Variants in NEGR1 observed in about 807,000 individuals in gnomAD.
NEGR1 encodes IgLON family member 4.
In NEGR1, 10 loss-of-function variants were observed where a neutral mutation model predicts 40.9. That is an observed-to-expected ratio of 0.24 (90% CI 0.15 to 0.42). NEGR1 has a LOEUF of 0.42. Ranked by LOEUF, NEGR1 falls within the 10% of genes least tolerant of loss-of-function variation. The pLI, the probability that NEGR1 is intolerant of heterozygous loss-of-function variation, is 1.00. For synonymous variants in NEGR1, 185 were observed against 166.8 expected, an observed-to-expected ratio of 1.11 and a Z score of -0.84; for missense variants, 352 against 438.9, an observed-to-expected ratio of 0.80 and a Z score of 1.77.
intron 2 of NEGR1, among the ~76,000 whole-genome samples, chr1:71,816,204 TTTA>T (rs1179926411): frequency 6.6e-6 from 1 of 152,074 alleles, no homozygotes; most frequent in Non-Finnish European, 1.5e-5. Context: ...CCTAATTTGC[TTTA>T]TTATTATGTT....
chr1:72,205,619 TA>T (rs533873858), intron 1 of NEGR1, among the ~76,000 whole-genome samples: 8 of 146,520 alleles, frequency 5.5e-5, no homozygotes, highest in Admixed American at 6.8e-5. Context: ...TTTTGTTAAC[TA>T]AAAAAAAATA....
intron 1 of NEGR1, among the ~76,000 whole-genome samples, chr1:72,219,016 A>G (rs1460032047): frequency 6.6e-6 from 1 of 152,010 alleles, no homozygotes; most frequent in Non-Finnish European, 1.5e-5. Flanking sequence ...TCTCCACACA[A>G]TGACATGTCC....
At chr1:72,054,260 T>C (rs1479398169) in intron 1 of NEGR1, among the ~76,000 whole-genome samples, 1 of 151,378 alleles carries the variant, frequency 6.6e-6, no homozygotes, top group East Asian at 1.9e-4. Context: ...AAGTTCTCTG[T>C]TGCTGAGCAA....
intron 2 of NEGR1, among the ~76,000 whole-genome samples, chr1:71,808,764 C>T (rs1442518245): frequency 6.6e-6 from 1 of 152,000 alleles, no homozygotes; most frequent in Non-Finnish European, 1.5e-5. Context: ...GAAAATGAGA[C>T]ATTTTTTTTC....
In NEGR1 at chr1:71,719,565, G is replaced by T. The variant is rs1203447967; in HGVS notation, c.536-21426C>A. ...TAGCAGTGATAGAGAGACCTTCCAT[G>T]GTCACTGAGTTTCCAGACGTTTGAA... On this transcript the variant is annotated intron_variant, in intron 3 of 6. Transcript: ENST00000357731. 4.0e-5 allele frequency among the ~76,000 whole-genome samples: 6 copies of T among 151,740 alleles called. No homozygotes were observed. The East Asian group carries it at 9.7e-4, about 25-fold the overall frequency.
chr1:71,539,992 C>A (rs1480139080), intron 6 of NEGR1, among the ~76,000 whole-genome samples: 1 of 151,640 alleles, frequency 6.6e-6, no homozygotes, highest in Admixed American at 6.6e-5. Flanking sequence ...TACAACCAAC[C>A]AAAATGTTTA....
chr1:71,912,408 G>A (rs1372722157), intron 2 of NEGR1, among the ~76,000 whole-genome samples: 1 of 152,094 alleles, frequency 6.6e-6, no homozygotes, highest in African/African-American at 2.4e-5. Flanking sequence ...AAAGGATCAT[G>A]TCTCTATTTT....
At chr1:71,993,727 G>C (rs1646476127) in intron 1 of NEGR1, among the ~76,000 whole-genome samples, 1 of 152,062 alleles carries the variant, frequency 6.6e-6, no homozygotes, top group Admixed American at 6.6e-5. Flanking sequence ...AGGAATTATT[G>C]TATCTATTGT....
chr1:72,018,513 T>G (rs1484254559), intron 1 of NEGR1, among the ~76,000 whole-genome samples: 2 of 152,122 alleles, frequency 1.3e-5, no homozygotes, highest in Admixed American at 6.5e-5. Flanking sequence ...ACATCTCAGG[T>G]GATTCTAATG....
At chr1:71,625,615 A>G (rs1450672875) in intron 4 of NEGR1, among the ~76,000 whole-genome samples, 1 of 151,642 alleles carries the variant, frequency 6.6e-6, no homozygotes, top group Non-Finnish European at 1.5e-5. Flanking sequence ...TACTCCATGG[A>G]TACTGAGGGA....
intron 3 of NEGR1, among the ~76,000 whole-genome samples, chr1:71,722,344 T>C (rs1030661765): frequency 1.2e-4 from 18 of 152,138 alleles, no homozygotes; most frequent in African/African-American, 4.3e-4. Context: ...ATTATTTTAA[T>C]TTATTTTTAT....
At chr1:71,459,772 T>G (rs116738473) in intron 6 of NEGR1, among the ~76,000 whole-genome samples, 1 of 152,208 alleles carries the variant, frequency 6.6e-6, no homozygotes, top group Non-Finnish European at 1.5e-5. Context: ...TGTATACTTA[T>G]GCATGAGGCC....
chr1:71,543,774 G>A (rs190987652), intron 6 of NEGR1, among the ~76,000 whole-genome samples: 1 of 151,580 alleles, frequency 6.6e-6, no homozygotes, highest in African/African-American at 2.4e-5. Context: ...ATTCATTTGA[G>A]AAAAATCTCA....
rs150256388 is a variant in NEGR1, at chr1:72,003,675, C to G, written c.177-68364G>C. On this transcript the variant is annotated intron_variant, in intron 1 of 6. Transcript: ENST00000357731. ...AATAGACTTTCCTTATCATGTTGAG[C>G]TTATGTAAATAAGCATGGCATAAAA... Among the ~76,000 whole-genome samples, 954 of 152,046 alleles carry G rather than the reference C, an allele frequency of 6.3e-3. 14 individuals are homozygous for G. Among genetic ancestry groups the G allele is most frequent in the African/African-American group, 0.022 (911 of 41,484 alleles).
In NEGR1 at chr1:72,020,301, A is replaced by C. The variant is rs1021604693; in HGVS notation, c.177-84990T>G. ...CTGGAGCACACTAGTTTGAATCCTC[A>C]AGCCAATCTTGAAGGCAACAGACAA... On this transcript the variant is annotated intron_variant, in intron 1 of 6. Transcript: ENST00000357731. Among the ~76,000 whole-genome samples the C allele has an allele frequency of 2.0e-5, 3 of 152,176 alleles. No homozygotes were observed. In the South Asian group the frequency reaches 6.2e-4, roughly 31 times the overall value.
chr1:72,223,759 C>T (rs1182867963), intron 1 of NEGR1, among the ~76,000 whole-genome samples: 1 of 152,012 alleles, frequency 6.6e-6, no homozygotes, highest in Non-Finnish European at 1.5e-5. Flanking sequence ...TCAAATAACG[C>T]TTAAATACTA....
chr1:72,035,834 G>A (rs1460198444), intron 1 of NEGR1, among the ~76,000 whole-genome samples: 3 of 152,106 alleles, frequency 2.0e-5, no homozygotes, highest in Non-Finnish European at 4.4e-5. Context: ...TGAGTAAATA[G>A]AAGCTCAGAA....
intron 1 of NEGR1, among the ~76,000 whole-genome samples, chr1:72,088,955 G>C (rs1218363272): frequency 6.6e-6 from 1 of 151,820 alleles, no homozygotes; most frequent in Non-Finnish European, 1.5e-5. Flanking sequence ...GATTACAGGT[G>C]TTAGCCACAG....
intron 2 of NEGR1, among the ~76,000 whole-genome samples, chr1:71,829,876 T>C (rs1205475011): frequency 3.9e-5 from 6 of 151,952 alleles, no homozygotes; most frequent in Non-Finnish European, 8.8e-5. Flanking sequence ...CAGCCTTTTA[T>C]TACTTAAAAT....
Sources: gnomAD v4.1 joint callset for allele counts (sites outside exome capture counted in the v4.1 genomes callset) on GRCh38, gnomAD v4.1.1 for gene constraint, MANE v1.5 for transcripts, NCBI Gene and HGNC (gene_info 2026-07-23, HGNC 2026-07-21) for gene names.